BARD1: variants seen among roughly 807,000 people sequenced by gnomAD.
BARD1 encodes BRCA1 associated RING domain 1.
Under a neutral mutation model 77.0 loss-of-function variants are expected in BARD1, and 73 were observed. The ratio of observed to expected loss-of-function variants is 0.95; its 90% CI spans 0.79 to 1.15. The LOEUF is 1.15. Ranked by LOEUF, BARD1 falls within the 50% of genes most tolerant of loss-of-function variation. The pLI, the probability that BARD1 is intolerant of heterozygous loss-of-function variation, is 0.00. For missense variants in BARD1, 993 were observed against 938.8 expected, an observed-to-expected ratio of 1.06 and a Z score of -0.75; for synonymous variants, 384 against 338.0, an observed-to-expected ratio of 1.14 and a Z score of -1.49.
chr2:214,809,619 C>T lies in BARD1; in HGVS notation c.-50G>A. Reference sequence around the variant, plus strand: ...CCTCGCAGAGCGGGAAGCAAGGAAGCCTCGGGAAACCACAGGGAAGCTGCA... The same window carrying T: ...CCTCGCAGAGCGGGAAGCAAGGAAGTCTCGGGAAACCACAGGGAAGCTGCA... On this transcript the variant is annotated 5_prime_UTR_variant, in exon 1 of 11. Coordinates refer to ENST00000260947, the MANE Select transcript of BARD1 (RefSeq NM_000465.4). 1 of 1,521,298 alleles carries T rather than the reference C, an allele frequency of 6.6e-7. No individual in the cohort carries two copies. Among genetic ancestry groups the T allele is most frequent in the Non-Finnish European group, 8.8e-7 (1 of 1,135,746 alleles). 94.2% of individuals were successfully genotyped at this position (1,521,298 alleles called of 1,614,324 possible). A position where few individuals can be genotyped will look rare whatever the true frequency, so the allele number is the denominator to read the frequency against.
At chr2:214,799,916 A>G (rs1440833721) in intron 1 of BARD1, among the ~76,000 whole-genome samples, 1 of 152,160 alleles carries the variant, frequency 6.6e-6, no homozygotes, top group Non-Finnish European at 1.5e-5. Flanking sequence ...GGGAAACAGC[A>G]CTGACCTCAT....
At chr2:214,766,239 C>A (rs1460369226) in intron 6 of BARD1, among the ~76,000 whole-genome samples, 3 of 152,094 alleles carry the variant, frequency 2.0e-5, no homozygotes, top group Non-Finnish European at 4.4e-5. Flanking sequence ...ATCTCTGTGT[C>A]CTGACACTGC....
At chr2:214,767,378 G>A (rs1342822000) in intron 6 of BARD1, 104 bp downstream of exon 6, 4 of 1,132,468 alleles carry the variant, frequency 3.5e-6, no homozygotes, top group Non-Finnish European at 3.9e-6. Context: ...TTGTGAAAGT[G>A]AAGAAAGCCA....
intron 7 of BARD1, among the ~76,000 whole-genome samples, chr2:214,747,596 T>C (rs1054713022): frequency 1.3e-5 from 2 of 150,218 alleles, no homozygotes; most frequent in African/African-American, 4.9e-5. Flanking sequence ...CTCAGCAAAC[T>C]ATTGCAAGGA....
At position 214,752,077 on chromosome 2, in the gene BARD1, C is replaced by T. The variant is rs1023357843; in HGVS notation, c.1677+370G>A. On this transcript the variant is annotated intron_variant, in intron 7 of 10. Coordinates refer to ENST00000260947, the MANE Select transcript of BARD1 (RefSeq NM_000465.4). ...CCCACTACCTCCACCCAACGACACT[C>T]TACAACATCTTCGAAACACTCATGT... 9.9e-5 allele frequency among the ~76,000 whole-genome samples: 15 copies of T among 152,190 alleles called. 1 individual carries two copies. Among genetic ancestry groups the T allele is most frequent in the African/African-American group, 3.4e-4 (14 of 41,448 alleles).
chr2:214,805,105 G>A (rs1696208881), intron 1 of BARD1, among the ~76,000 whole-genome samples: 1 of 151,244 alleles, frequency 6.6e-6, no homozygotes, highest in African/African-American at 2.4e-5. Flanking sequence ...AGGTTGCAGT[G>A]AGCCGAGATC....
At chr2:214,767,738 T>A in intron 5 of BARD1, 84 bp from the exon 6 acceptor site, 1 of 1,297,270 alleles carries the variant, frequency 7.7e-7, no homozygotes. Flanking sequence ...TTTAGAAAAA[T>A]AAATGTAAAC....
intron 9 of BARD1, among the ~76,000 whole-genome samples, chr2:214,734,552 C>T (rs962054824): frequency 6.6e-6 from 1 of 152,032 alleles, no homozygotes; most frequent in African/African-American, 2.4e-5. Context: ...ACCTAATATT[C>T]ATCCAATGAG....
chr2:214,777,148 G>C (rs1056419198), intron 4 of BARD1, among the ~76,000 whole-genome samples: 1 of 152,136 alleles, frequency 6.6e-6, no homozygotes. Context: ...GTACAGAACT[G>C]TAAGAAAATT....
intron 6 of BARD1, among the ~76,000 whole-genome samples, chr2:214,759,413 G>T (rs1229987602): frequency 1.1e-4 from 16 of 152,146 alleles, no homozygotes; most frequent in African/African-American, 2.4e-5. Context: ...GGGGAAGACA[G>T]ATTACCAATG....
intron 7 of BARD1, among the ~76,000 whole-genome samples, chr2:214,749,624 G>A (rs1195799063): frequency 6.6e-6 from 1 of 152,036 alleles, no homozygotes; most frequent in East Asian, 1.9e-4. Flanking sequence ...CATCAGCAAA[G>A]GACAACTTGG....
rs770917842 is a variant in BARD1, at chr2:214,728,983, T to G, written c.2027A>C (p.Tyr676Ser). 1.9e-6 allele frequency: 3 copies of G among 1,614,080 alleles called. No homozygotes were observed. The highest frequency in any genetic ancestry group is 2.5e-6 in the Non-Finnish European group (3 of 1,180,004). ...QLLPKLFDGC[Y>S]FYLWGTFKHH... Reference sequence around the variant, plus strand: ...TTTGAAGGTTCCCCACAAATAGAAGTAGCATCCATCAAACAGCTTTGGCAA... The same window carrying G: ...TTTGAAGGTTCCCCACAAATAGAAGGAGCATCCATCAAACAGCTTTGGCAA... Residue 676 changes from tyrosine (Y) to serine (S), a missense_variant, in exon 11 of 11, where the codon TAC becomes TCC. Coordinates refer to ENST00000260947, the MANE Select transcript of BARD1 (RefSeq NM_000465.4).
At chr2:214,801,238 ACC>A (rs1373463267) in intron 1 of BARD1, among the ~76,000 whole-genome samples, 1 of 152,170 alleles carries the variant, frequency 6.6e-6, no homozygotes, top group East Asian at 1.9e-4. Context: ...ACCACAAACA[ACC>A]TAAATGTTTC....
chr2:214,760,975 C>T (rs1307914098), intron 6 of BARD1, among the ~76,000 whole-genome samples: 3 of 150,984 alleles, frequency 2.0e-5, no homozygotes, highest in South Asian at 2.1e-4. Context: ...GGGGTTTCAC[C>T]GTGTTAGCCA....
At chr2:214,790,198 A>G (rs1405827220) in intron 3 of BARD1, among the ~76,000 whole-genome samples, 1 of 152,106 alleles carries the variant, frequency 6.6e-6, no homozygotes, top group African/African-American at 2.4e-5. Flanking sequence ...TAAATCCATC[A>G]AGGGTTACCC....
intron 3 of BARD1, among the ~76,000 whole-genome samples, chr2:214,785,248 T>C (rs902548028): frequency 2.0e-5 from 3 of 152,036 alleles, no homozygotes; most frequent in Non-Finnish European, 2.9e-5. Flanking sequence ...CCTAAGAGTG[T>C]AGAGGAAAAG....
intron 4 of BARD1, among the ~76,000 whole-genome samples, chr2:214,776,761 G>A (rs1426949426): frequency 6.6e-6 from 1 of 152,200 alleles, no homozygotes; most frequent in Non-Finnish European, 1.5e-5. Flanking sequence ...ACACTGCAGT[G>A]TAATTAAGTG....
rs75136258 is a variant in BARD1 at position 214,805,955 on chromosome 2, A to G, written c.158+3457T>C. Among the ~76,000 whole-genome samples, 1,464 of 152,280 alleles carry G rather than the reference A, an allele frequency of 9.6e-3. 23 individuals are homozygous for G. The highest frequency in any genetic ancestry group is 0.032 in the African/African-American group (1,350 of 41,552). ...ATGACACCTGGGGCTTCTACACTGCAGCTCCTATTACCATTTCCTGCTTCC... is the reference window on the plus strand; with the variant it reads ...ATGACACCTGGGGCTTCTACACTGCGGCTCCTATTACCATTTCCTGCTTCC... On this transcript the variant is annotated intron_variant, in intron 1 of 10. Transcript: ENST00000260947.
chr2:214,806,289 G>A (rs150258479), intron 1 of BARD1, among the ~76,000 whole-genome samples: 1 of 152,264 alleles, frequency 6.6e-6, no homozygotes, highest in Non-Finnish European at 1.5e-5. Context: ...GGGTAATCGG[G>A]GTAATCACTA....
Sources: gnomAD v4.1 joint callset for allele counts (sites outside exome capture counted in the v4.1 genomes callset) on GRCh38, gnomAD v4.1.1 for gene constraint, MANE v1.5 for transcripts, NCBI Gene and HGNC (gene_info 2026-07-23, HGNC 2026-07-21) for gene names.